The following FAAH2 variants were observed in gnomAD, a reference collection of about 807,000 sequenced individuals.
FAAH2 encodes fatty acid amide hydrolase 2, also known as fatty-acid amide hydrolase 2.
Under a neutral mutation model 36.9 loss-of-function variants are expected in FAAH2, and 60 were observed. The observed-to-expected ratio is 1.63, with a 90% CI of 1.32 to 2.02. The LOEUF (loss-of-function observed/expected upper bound fraction) is 2.02. Among genes scored for constraint, FAAH2 ranks in the 30% most tolerant of loss-of-function variants. The pLI is 0.00. For missense variants in FAAH2, 689 were observed against 397.5 expected, an observed-to-expected ratio of 1.73 and a Z score of -6.23; for synonymous variants, 214 against 143.8, an observed-to-expected ratio of 1.49 and a Z score of -3.49.
chrX:57,216,609 CG>C, the FAAH2 span, among the ~76,000 whole-genome samples: 1 of 47,035 alleles, frequency 2.1e-5, no homozygotes, highest in Non-Finnish European at 4.6e-5. Flanking sequence ...TATATATATA[CG>C]TATATATATA....
At chrX:57,298,946 A>G (rs1208628707) in intron 2 of FAAH2, among the ~76,000 whole-genome samples, 2 of 111,535 alleles carry the variant, frequency 1.8e-5, no homozygotes, top group Non-Finnish European at 3.8e-5. Context: ...GGGCTCTGAA[A>G]TTGAGGCAAT....
the FAAH2 span, among the ~76,000 whole-genome samples, chrX:57,252,527 C>T: frequency 8.9e-6 from 1 of 111,913 alleles, no homozygotes; most frequent in South Asian, 3.8e-4. Context: ...CTCTGGCTGG[C>T]ATCTAGAGGT....
chrX:57,316,399 T>A (rs1367008566), intron 3 of FAAH2, among the ~76,000 whole-genome samples: 1 of 111,601 alleles, frequency 9.0e-6, no homozygotes, highest in African/African-American at 3.2e-5. Context: ...ATATGGAATC[T>A]AAAAAGAGCC....
chrX:57,149,877 C>G, the FAAH2 span, among the ~76,000 whole-genome samples: 1 of 111,476 alleles, frequency 9.0e-6, no homozygotes, highest in Non-Finnish European at 1.9e-5. Context: ...GATCCTTCCT[C>G]CTTTCTCTTG....
At chrX:57,325,577 G>A (rs1413880067) in intron 3 of FAAH2, among the ~76,000 whole-genome samples, 1 of 107,283 alleles carries the variant, frequency 9.3e-6, no homozygotes, top group African/African-American at 3.4e-5. Flanking sequence ...GGACAGTGTA[G>A]GTGTCGAGGA....
In FAAH2 at chrX:57,378,700, G is replaced by C. The variant is rs781452140; in HGVS notation, c.792G>C (p.Glu264Asp). ...TTCCCTTGGCTGTGGGAGCCCAGGAGTTGTTTCTGTGCACTGGTCCTATGT... is the reference window on the plus strand; with the variant it reads ...TTCCCTTGGCTGTGGGAGCCCAGGACTTGTTTCTGTGCACTGGTCCTATGT... ...GQFPLAVGAQELFLCTGPMCR... is the reference protein window; with the variant it reads ...GQFPLAVGAQDLFLCTGPMCR... Residue 264 changes from glutamate to aspartate, a missense_variant, in exon 6 of 11, where the codon GAG becomes GAC. Transcript: ENST00000374900. 1 of 1,211,169 alleles carries C rather than the reference G, an allele frequency of 8.3e-7. No homozygotes were observed. Among genetic ancestry groups the C allele is most frequent in the Non-Finnish European group, 1.1e-6 (1 of 895,178 alleles).
chrX:57,219,050 A>G, the FAAH2 span, among the ~76,000 whole-genome samples: 10 of 111,884 alleles, frequency 8.9e-5, no homozygotes, highest in Admixed American at 3.8e-4. Flanking sequence ...CACCAGCAAG[A>G]TAGCAGAGGC....
intron 7 of FAAH2, among the ~76,000 whole-genome samples, chrX:57,385,533 G>A (rs2054996651): frequency 9.0e-6 from 1 of 111,690 alleles, no homozygotes; most frequent in African/African-American, 3.3e-5. Context: ...AAGGGTGGAA[G>A]AGACAGCTGC....
the FAAH2 span, among the ~76,000 whole-genome samples, chrX:57,279,062 A>C: frequency 8.9e-6 from 1 of 112,399 alleles, no homozygotes; most frequent in Admixed American, 9.4e-5. Flanking sequence ...TGAAGGATCT[A>C]GAACTAGAAT....
chrX:57,468,876 C>T (rs1396902919), intron 10 of FAAH2, among the ~76,000 whole-genome samples: 2 of 111,918 alleles, frequency 1.8e-5, no homozygotes, highest in East Asian at 2.8e-4. Flanking sequence ...CAAAAGAAAG[C>T]CCATCAGACT....
the FAAH2 span, among the ~76,000 whole-genome samples, chrX:57,212,614 C>A: frequency 8.9e-6 from 1 of 112,160 alleles, no homozygotes; most frequent in Non-Finnish European, 1.9e-5. Flanking sequence ...ACTGAGCAGA[C>A]GAAAGAATCT....
At position 57,380,977 on chromosome X, in the gene FAAH2, G is replaced by T; in HGVS notation, c.944G>T (p.Gly315Val). The change falls in exon 7 of 11, where the codon GGC becomes GTC. Residue 315 changes from glycine to valine, a missense_variant. By Grantham distance (109) the Gly-to-Val change is moderately radical. Coordinates refer to ENST00000374900, the MANE Select transcript of FAAH2 (RefSeq NM_174912.4). ...LKFYWMEHDG[G>V]SFLMSKVDQD... Reference sequence around the variant, plus strand: ...TTTTACTGGATGGAACATGATGGAGGCTCATTTTTAATGTCCAAAGTGGAC... The same window carrying T: ...TTTTACTGGATGGAACATGATGGAGTCTCATTTTTAATGTCCAAAGTGGAC... The T allele has an allele frequency of 5.0e-6, 6 of 1,200,589 alleles. No individual in the cohort carries two copies. Among genetic ancestry groups the T allele is most frequent in the Non-Finnish European group, 5.6e-6 (5 of 890,606 alleles).
At chrX:57,162,728 T>C in the FAAH2 span, among the ~76,000 whole-genome samples, 1 of 112,168 alleles carries the variant, frequency 8.9e-6, no homozygotes, top group Non-Finnish European at 1.9e-5. Flanking sequence ...CTTTAAGCAC[T>C]TGTCTGTATT....
At chrX:57,223,254 T>C in the FAAH2 span, among the ~76,000 whole-genome samples, 1 of 111,336 alleles carries the variant, frequency 9.0e-6, no homozygotes, top group African/African-American at 3.3e-5. Flanking sequence ...GGCTAGCAGA[T>C]CAGATAACCA....
the FAAH2 span, among the ~76,000 whole-genome samples, chrX:57,243,162 C>T: frequency 8.9e-6 from 1 of 111,797 alleles, no homozygotes; most frequent in Admixed American, 9.5e-5. Flanking sequence ...TGAAGCCCAC[C>T]ACAGCTTGGC....
chrX:57,202,577 G>A, the FAAH2 span, among the ~76,000 whole-genome samples: 1 of 111,803 alleles, frequency 8.9e-6, no homozygotes, highest in South Asian at 3.7e-4. Context: ...ACTGCATGGG[G>A]ACAGAACTGA....
chrX:57,184,192 T>G, the FAAH2 span, among the ~76,000 whole-genome samples: 1 of 111,933 alleles, frequency 8.9e-6, no homozygotes, highest in Non-Finnish European at 1.9e-5. Flanking sequence ...TGTTGGACCC[T>G]TATCAGTGGT....
intron 4 of FAAH2, among the ~76,000 whole-genome samples, chrX:57,334,265 GTC>G (rs1491438912): frequency 3.8e-4 from 3 of 7,810 alleles, no homozygotes; most frequent in African/African-American, 4.7e-4. Flanking sequence ...GGGAGATTCC[GTC>G]TCACACACAC....
chrX:57,342,756 T>G (rs1273509227), intron 5 of FAAH2, among the ~76,000 whole-genome samples: 2 of 111,000 alleles, frequency 1.8e-5, no homozygotes, highest in Non-Finnish European at 3.8e-5. Flanking sequence ...AGGTAGTTTT[T>G]TGATCCTTGC....
Sources: allele counts gnomAD v4.1 joint callset (sites outside exome capture counted in the v4.1 genomes callset), GRCh38; gene constraint gnomAD v4.1.1; transcripts MANE v1.5; gene names NCBI Gene and HGNC (gene_info 2026-07-23, HGNC 2026-07-21).